CCDC7: variants seen among roughly 807,000 people sequenced by gnomAD.
CCDC7 encodes coiled-coil domain containing 7.
CCDC7 carries 183 observed loss-of-function variants against 196.9 expected under a neutral mutation model. The observed-to-expected ratio is 0.93, with a 90% CI of 0.82 to 1.05. The LOEUF (loss-of-function observed/expected upper bound fraction) is 1.05, where lower values mean the gene tolerates loss of function less well. CCDC7 is among the 50% of genes least tolerant of loss of function. CCDC7 has a pLI of 0.00. For missense variants in CCDC7, 1,540 were observed against 1,482.2 expected (o/e 1.04, Z -0.64); for synonymous variants, 525 against 484.6 (o/e 1.08, Z -1.10).
chr10:32,805,574 T>C (rs1204691521), intron 30 of CCDC7, among the ~76,000 whole-genome samples: 1 of 152,214 alleles, frequency 6.6e-6, no homozygotes, highest in Non-Finnish European at 1.5e-5. Context: ...TTGTGTAAAA[T>C]AGTTCAGATA....
intron 20 of CCDC7, among the ~76,000 whole-genome samples, chr10:32,652,234 C>T (rs1277373887): frequency 6.6e-6 from 1 of 151,958 alleles, no homozygotes; most frequent in East Asian, 1.9e-4. Flanking sequence ...TGTAGCTACT[C>T]CTGCTCTTTT....
chr10:32,706,321 T>G (rs1333385037), intron 24 of CCDC7, among the ~76,000 whole-genome samples: 6 of 152,080 alleles, frequency 3.9e-5, no homozygotes, highest in Non-Finnish European at 7.4e-5. Context: ...TTTAAAGCAG[T>G]ATGTAGAGGG....
chr10:32,446,127 G>A (rs925489013), upstream of CCDC7: 1 of 152,150 alleles, frequency 6.6e-6, no homozygotes, highest in Admixed American at 6.5e-5. Flanking sequence ...TCGGGCGCCT[G>A]GGACGTGGCT....
At chr10:32,692,800 GA>G (rs2077238997) in intron 23 of CCDC7, among the ~76,000 whole-genome samples, 1 of 152,194 alleles carries the variant, frequency 6.6e-6, no homozygotes, top group Non-Finnish European at 1.5e-5. Flanking sequence ...TTACCCCACA[GA>G]AAAGCACTTA....
At chr10:32,603,959 TC>T (rs1333096635) in intron 18 of CCDC7, among the ~76,000 whole-genome samples, 1 of 152,168 alleles carries the variant, frequency 6.6e-6, no homozygotes, top group African/African-American at 2.4e-5. Context: ...TTAATATAGT[TC>T]CATTTGTCTA....
intron 28 of CCDC7, among the ~76,000 whole-genome samples, chr10:32,754,323 T>C (rs2076088195): frequency 6.6e-6 from 1 of 152,054 alleles, no homozygotes; most frequent in African/African-American, 2.4e-5. Flanking sequence ...AAATAACTGA[T>C]AAATAAACAC....
intron 14 of CCDC7, among the ~76,000 whole-genome samples, chr10:32,566,120 C>T (rs1412914742): frequency 1.3e-5 from 2 of 152,066 alleles, no homozygotes; most frequent in East Asian, 1.9e-4. Flanking sequence ...ATTGTTTTGC[C>T]TACCATCTTG....
intron 18 of CCDC7, among the ~76,000 whole-genome samples, chr10:32,606,141 G>C (rs1456277978): frequency 6.6e-6 from 1 of 152,234 alleles, no homozygotes; most frequent in African/African-American, 2.4e-5. Context: ...ATACAGCTCA[G>C]GCCACTGCTT....
intron 13 of CCDC7, among the ~76,000 whole-genome samples, chr10:32,563,697 CT>C (rs1332271127): frequency 1.3e-5 from 2 of 152,204 alleles, no homozygotes; most frequent in African/African-American, 4.8e-5. Flanking sequence ...CATAAAAACC[CT>C]AGAAGAAAAC....
At chr10:32,511,514 A>G in intron 9 of CCDC7, 1 of 1,604,652 alleles carries the variant, frequency 6.2e-7, no homozygotes, top group South Asian at 1.1e-5. Context: ...CTTAGGATTA[A>G]CTCCTTGGGT....
intron 8 of CCDC7, among the ~76,000 whole-genome samples, chr10:32,488,951 C>A (rs546906732): frequency 3.3e-5 from 5 of 152,192 alleles, no homozygotes; most frequent in African/African-American, 1.2e-4. Context: ...GTAGCTTTTT[C>A]GGCTGTGGTT....
At chr10:32,824,478 C>A in intron 31 of CCDC7, 40 bp from the exon 33 acceptor site, 2 of 1,314,402 alleles carry the variant, frequency 1.5e-6, no homozygotes, top group Non-Finnish European at 2.2e-6. Context: ...TTAATATTTA[C>A]ATTAAAAAAG....
At chr10:32,702,959 C>G (rs60530261) in intron 24 of CCDC7, among the ~76,000 whole-genome samples, 2,678 of 152,244 alleles carry the variant, frequency 0.018, 85 homozygotes, top group African/African-American at 0.061. Flanking sequence ...TGGGTCTTGA[C>G]TCTTTATCCA....
At chr10:32,866,213 T>G (rs565205846) in intron 41 of CCDC7, among the ~76,000 whole-genome samples, 1 of 151,906 alleles carries the variant, frequency 6.6e-6, no homozygotes, top group Admixed American at 6.6e-5. Flanking sequence ...AATGACTGTT[T>G]AGATATGACA....
chr10:32,769,564 G>T (rs2078849157), intron 28 of CCDC7, among the ~76,000 whole-genome samples: 1 of 152,092 alleles, frequency 6.6e-6, no homozygotes, highest in African/African-American at 2.4e-5. Context: ...CATGTGCCAT[G>T]GTGGTTTGCT....
intron 25 of CCDC7, among the ~76,000 whole-genome samples, chr10:32,720,491 G>C (rs2082250358): frequency 6.6e-6 from 1 of 152,082 alleles, no homozygotes; most frequent in South Asian, 2.1e-4. Flanking sequence ...GTTGATGGGT[G>C]CAGCAAACCA....
At chr10:32,624,984 G>GTTTTTTTTTTTTT (rs35752534) in intron 18 of CCDC7, among the ~76,000 whole-genome samples, 1 of 51,660 alleles carries the variant, frequency 1.9e-5, no homozygotes, top group Non-Finnish European at 3.6e-5. Flanking sequence ...CTTTGCACAA[G>GTTTTTTTTTTTTT]TTTTTTTTTT....
chr10:32,709,527 G>A (rs2080448340), intron 24 of CCDC7, among the ~76,000 whole-genome samples: 1 of 152,172 alleles, frequency 6.6e-6, no homozygotes. Flanking sequence ...TCTTTCAGAT[G>A]TGCAGTTTAC....
chr10:32,676,385 G>T (rs542790551), intron 21 of CCDC7, among the ~76,000 whole-genome samples: 1 of 151,754 alleles, frequency 6.6e-6, no homozygotes, highest in Non-Finnish European at 1.5e-5. Flanking sequence ...TAATTAAACT[G>T]AAGAGCTTCT....
Sources: allele counts gnomAD v4.1 joint callset (sites outside exome capture counted in the v4.1 genomes callset), GRCh38; gene constraint gnomAD v4.1.1; transcripts MANE v1.5; gene names NCBI Gene and HGNC (gene_info 2026-07-23, HGNC 2026-07-21).